MON1B: variants seen among roughly 807,000 people sequenced by gnomAD.
The protein encoded by MON1B is MON1 vesicular trafficking associated B.
Under a neutral mutation model 45.1 loss-of-function variants are expected in MON1B, and 26 were observed. That is an observed-to-expected ratio of 0.58 (90% CI 0.42 to 0.80). The LOEUF is 0.80. MON1B is among the 30% of genes least tolerant of loss of function. The pLI is 0.00. For synonymous variants in MON1B, 395 were observed against 320.2 expected (o/e 1.23, Z -2.49); for missense variants, 737 against 754.5 (o/e 0.98, Z 0.27).
intron 5 of MON1B, among the ~76,000 whole-genome samples, chr16:77,197,253 T>C (rs574583549): frequency 2.8e-4 from 43 of 151,806 alleles, no homozygotes; most frequent in Admixed American, 4.6e-4. Flanking sequence ...AAAAATTAGC[T>C]GGATGTGGTG....
At position 77,200,274 on chromosome 16, in the gene MON1B, G is replaced by GTATATATATATATATATATATATA. The variant is rs1229854135; in HGVS notation, c.*1984_*1985insTATATATATATATATATATATATA. 8.8e-6 allele frequency: 1 copy of GTATATATATATATATATATATATA among 113,574 alleles called. No homozygotes were observed. The allele number at this position is 113,574 out of a possible 1,614,324, so 7.0% of individuals were successfully genotyped here. Reference sequence around the variant, plus strand: ...TATATGTGTATATATATATATATGTGTATATATATATATATATACACACAC... The same window carrying GTATATATATATATATATATATATA: ...TATATGTGTATATATATATATATGTGTATATATATATATATATATATATATATATATATATATATATACACACAC... On this transcript the variant is annotated 3_prime_UTR_variant, in exon 6 of 6. Transcript: ENST00000248248.
rs2054701042 is a variant in MON1B at position 77,199,228 on chromosome 16, C to T, written c.*920C>T. The T allele has an allele frequency of 3.6e-6, 2 of 558,794 alleles. No individual in the cohort carries two copies. The highest frequency in any genetic ancestry group is 3.3e-5 in the Admixed American group (1 of 30,382). 34.6% of individuals were successfully genotyped at this position (558,794 alleles called of 1,614,324 possible). The stretch of plus-strand genomic sequence containing the variant: ...CCTCACTCCCCAACTGGCCATTACC[C>T]TAGTTCTGCCCTTGTTTGTGGAGTT... On this transcript the variant is annotated 3_prime_UTR_variant, in exon 6 of 6. Coordinates refer to ENST00000248248, the MANE Select transcript of MON1B (RefSeq NM_014940.4).
At position 77,195,074 on chromosome 16, in the gene MON1B, C is replaced by T. The variant is rs2232506; in HGVS notation, c.1215C>T (p.Val405=). 0.11 allele frequency: 178,840 copies of T among 1,605,732 alleles called. 11,697 individuals carry two copies. Among genetic ancestry groups the T allele is most frequent in the East Asian group, 0.3 (13,617 of 44,794 alleles). ...CTCCTGCCTACAGCGTGCAGGCTGT[C>T]GGGGCGCCGGGCCTCCGGCACTTCC... ...ASAPAYSVQA[V]GAPGLRHFLY... The change falls in exon 4 of 6, where the codon GTC becomes GTT. Residue 405 remains valine, a synonymous_variant. Coordinates refer to ENST00000248248, the MANE Select transcript of MON1B (RefSeq NM_014940.4).
intron 5 of MON1B, among the ~76,000 whole-genome samples, chr16:77,197,350 C>T (rs888917695): frequency 2.0e-5 from 3 of 152,006 alleles, no homozygotes; most frequent in East Asian, 1.9e-4. Context: ...GAGCCGAGAC[C>T]GTGCCACTGC....
At chr16:77,197,144 C>T (rs559472422) in intron 5 of MON1B, among the ~76,000 whole-genome samples, 17 of 152,082 alleles carry the variant, frequency 1.1e-4, no homozygotes, top group East Asian at 5.8e-4. Context: ...GAGGCTGAGT[C>T]GGGGTGGGAG....
rs770649793 is a variant in MON1B at position 77,191,537 on chromosome 16, T to C, written c.52T>C (p.Leu18=). The part of the protein sequence containing the change: ...AAPAPGGAED[L]EDTQFPSEEA... ...CCCGGCCCCCGGGGGCGCGGAGGAC[T>C]TGGAGGACACGCAGTTCCCCAGTGA... Residue 18 remains leucine (L), a synonymous_variant, in exon 2 of 6, where the codon TTG becomes CTG. Transcript: ENST00000248248. 26 of 1,609,812 alleles carry C rather than the reference T, an allele frequency of 1.6e-5. No individual in the cohort carries two copies. The Admixed American group carries it at 4.3e-4, about 27-fold the overall frequency.
Position 77,198,699 on chromosome 16 carries a change from G to A in MON1B, c.*391G>A, listed in dbSNP as rs1170059023. ...CAAGGTGTCTAGGGTGGCCCACGGG[G>A]GTGCTGGAATTGGCACTTCAGGGCC... is the stretch of plus-strand genomic sequence containing the variant. On this transcript the variant is annotated 3_prime_UTR_variant, in exon 6 of 6. Transcript: ENST00000248248. 8.2e-6 allele frequency: 2 copies of A among 244,292 alleles called. No homozygotes were observed. Among genetic ancestry groups the A allele is most frequent in the Admixed American group, 5.0e-5 (1 of 19,834 alleles). 15.1% of individuals were successfully genotyped at this position (244,292 alleles called of 1,614,324 possible).
At chr16:77,197,805 A>G (rs1196660723) in intron 5 of MON1B, among the ~76,000 whole-genome samples, 5 of 152,182 alleles carry the variant, frequency 3.3e-5, no homozygotes, top group Non-Finnish European at 5.9e-5. Flanking sequence ...CCTTGTACAC[A>G]ATAGGTTACT....
rs898950019 is a variant in MON1B at position 77,194,840 on chromosome 16, G to A, written c.981G>A (p.Leu327=). The change falls in exon 4 of 6, where the codon CTG becomes CTA. Residue 327 remains leucine (L), a synonymous_variant. Coordinates refer to ENST00000248248, the MANE Select transcript of MON1B (RefSeq NM_014940.4). The surrounding 1 kb of genome is among the most constrained non-coding windows in gnomAD (Gnocchi z 8.1). ...GTGAGGCTTGGGCACCTGTGTGCCT[G>A]CCCCGCTTCAACCCTGATGGTTTTT... is the stretch of plus-strand genomic sequence containing the variant. The part of the protein sequence containing the change: ...AAGEAWAPVC[L]PRFNPDGFFY... 2 of 1,610,494 alleles carry A rather than the reference G, an allele frequency of 1.2e-6. No individual in the cohort carries two copies. The highest frequency in any genetic ancestry group is 1.7e-6 in the Non-Finnish European group (2 of 1,180,010).
Position 77,193,954 on chromosome 16 carries a change from G to GTTCATCT in MON1B, c.475+177_475+178insTTCATCT, listed in dbSNP as rs2054638220. 1 of 655,282 alleles carries GTTCATCT rather than the reference G, an allele frequency of 1.5e-6. No individual in the cohort carries two copies. Among genetic ancestry groups the GTTCATCT allele is most frequent in the African/African-American group, 1.8e-5 (1 of 54,876 alleles). The allele number at this position is 655,282 out of a possible 1,614,324, so 40.6% of individuals were successfully genotyped here. A position where few individuals can be genotyped will look rare whatever the true frequency, so the allele number is the denominator to read the frequency against. On this transcript the variant is annotated intron_variant, in intron 3 of 5. Coordinates refer to ENST00000248248, the MANE Select transcript of MON1B (RefSeq NM_014940.4). The surrounding 1 kb of genome is among the most constrained non-coding windows in gnomAD (Gnocchi z 5.0). ...GGGGGGGTTCATCTCTGTCTGGCCT[G>GTTCATCT]CTGGTTTCTTAGTGATTGACTTGCT... is the stretch of plus-strand genomic sequence containing the variant.
intron 5 of MON1B, among the ~76,000 whole-genome samples, chr16:77,196,513 C>T (rs1304535976): frequency 3.3e-5 from 5 of 152,190 alleles, no homozygotes; most frequent in African/African-American, 4.8e-5. Context: ...TGATGGCTCA[C>T]GCCTGTAATC....
At position 77,194,606 on chromosome 16, in the gene MON1B, C is replaced by T. The variant is rs751357290; in HGVS notation, c.747C>T (p.Arg249=). 6.2e-7 allele frequency: 1 copy of T among 1,613,900 alleles called. No individual in the cohort carries two copies. Among genetic ancestry groups the T allele is most frequent in the Admixed American group, 1.7e-5 (1 of 60,022 alleles). ...GAGCCCTGCTCCTGGGTGCCGTGCG[C>T]TGTGTGCCCCTTGCCCGCCCGCTGC... The part of the protein sequence containing the change: ...DPGALLLGAV[R]CVPLARPLRD... Residue 249 remains arginine, a synonymous_variant, in exon 4 of 6, where the codon CGC becomes CGT. Transcript: ENST00000248248. The surrounding 1 kb of genome is among the most constrained non-coding windows in gnomAD (Gnocchi z 8.1).
Position 77,194,635 on chromosome 16 carries a change from A to G in MON1B, c.776A>G (p.Asp259Gly). 6.2e-7 allele frequency: 1 copy of G among 1,613,730 alleles called. No homozygotes were observed. Among genetic ancestry groups the G allele is most frequent in the Non-Finnish European group, 8.5e-7 (1 of 1,179,890 alleles). ...RCVPLARPLR[D>G]ALGALLRRCT... ...GTGCCCCTTGCCCGCCCGCTGCGAGACGCACTAGGTGCGCTCCTCCGACGT... is the reference window on the plus strand; with the variant it reads ...GTGCCCCTTGCCCGCCCGCTGCGAGGCGCACTAGGTGCGCTCCTCCGACGT... The change falls in exon 4 of 6, where the codon GAC (aspartate) becomes GGC (glycine). Residue 259 changes from aspartate to glycine, a missense_variant. Transcript: ENST00000248248. The surrounding 1 kb of genome is among the most constrained non-coding windows in gnomAD (Gnocchi z 8.1).
Position 77,198,334 on chromosome 16 carries a change from T to G in MON1B, c.*26T>G, listed in dbSNP as rs940063153. ...TAGTTGGAGCTCCCAGACCAGGCAG[T>G]GCTGGGAGCAACCACCTTTGTTTTT... On this transcript the variant is annotated 3_prime_UTR_variant, in exon 6 of 6. Coordinates refer to ENST00000248248, the MANE Select transcript of MON1B (RefSeq NM_014940.4). 6.2e-7 allele frequency: 1 copy of G among 1,601,528 alleles called. No individual in the cohort carries two copies. Among genetic ancestry groups the G allele is most frequent in the Non-Finnish European group, 8.6e-7 (1 of 1,168,604 alleles).
chr16:77,193,988 A>C lies in MON1B; in HGVS notation c.475+211A>C, dbSNP rs2054638496. ...TTAGTGATTGACTTGCTGGGATCTC[A>C]GTGACTAGCTGGATACTTCTGTGTC... On this transcript the variant is annotated intron_variant, in intron 3 of 5. Coordinates refer to ENST00000248248, the MANE Select transcript of MON1B (RefSeq NM_014940.4). This position sits in a 1 kb window ranked among gnomAD's most constrained non-coding sequence, Gnocchi z 5.0. 1 of 606,740 alleles carries C rather than the reference A, an allele frequency of 1.6e-6. No individual in the cohort carries two copies. The highest frequency in any genetic ancestry group is 2.9e-6 in the Non-Finnish European group (1 of 344,286). 37.6% of individuals were successfully genotyped at this position (606,740 alleles called of 1,614,324 possible).
chr16:77,193,642 G>C lies in MON1B; in HGVS notation c.340G>C (p.Val114Leu). Residue 114 changes from valine (V) to leucine (L), a missense_variant, in exon 3 of 6, where the codon GTG (valine) becomes CTG (leucine). By Grantham distance (32) the Val-to-Leu change is conservative (BLOSUM62 1). Transcript: ENST00000248248. This position sits in a 1 kb window ranked among gnomAD's most constrained non-coding sequence, Gnocchi z 5.0. Reference sequence around the variant, plus strand: ...GCGCAGCCAGCGGAAGCATGTGTTTGTGCTGAGTGAGGCTGGCAAGCCCAT... The same window carrying C: ...GCGCAGCCAGCGGAAGCATGTGTTTCTGCTGAGTGAGGCTGGCAAGCCCAT... ...EWRSQRKHVF[V>L]LSEAGKPIYS... 1 of 1,614,144 alleles carries C rather than the reference G, an allele frequency of 6.2e-7. No homozygotes were observed. Among genetic ancestry groups the C allele is most frequent in the Non-Finnish European group, 8.5e-7 (1 of 1,179,978 alleles).
At chr16:77,197,964 A>C (rs2142503445) in intron 5 of MON1B, 144 bp from the exon 6 acceptor site, 1 of 785,868 alleles carries the variant, frequency 1.3e-6, no homozygotes, top group Admixed American at 2.3e-5. Context: ...ACCTTAGCCC[A>C]GTATCTAGGC....
At position 77,195,072 on chromosome 16, in the gene MON1B, G is replaced by T; in HGVS notation, c.1213G>T (p.Val405Phe). ...ASAPAYSVQA[V>F]GAPGLRHFLY... ...TGCTCCTGCCTACAGCGTGCAGGCT[G>T]TCGGGGCGCCGGGCCTCCGGCACTT... Residue 405 changes from valine (V) to phenylalanine (F), a missense_variant, in exon 4 of 6, where the codon GTC becomes TTC. Coordinates refer to ENST00000248248, the MANE Select transcript of MON1B (RefSeq NM_014940.4). The T allele has an allele frequency of 6.2e-7, 1 of 1,607,214 alleles. No individual in the cohort carries two copies. Among genetic ancestry groups the T allele is most frequent in the Non-Finnish European group, 8.5e-7 (1 of 1,179,814 alleles).
rs1441060226 is a variant in MON1B at position 77,200,798 on chromosome 16, A to G, written c.*2490A>G. ...CAAAAAGAAAAAAATCTCCCAAGGC[A>G]GTCATGCATTTGTATGCCACTAGCA... is the stretch of plus-strand genomic sequence containing the variant. On this transcript the variant is annotated 3_prime_UTR_variant, in exon 6 of 6. Coordinates refer to ENST00000248248, the MANE Select transcript of MON1B (RefSeq NM_014940.4). 1 of 151,970 alleles carries G rather than the reference A, an allele frequency of 6.6e-6. No individual in the cohort carries two copies. Among genetic ancestry groups the G allele is most frequent in the Non-Finnish European group, 1.5e-5 (1 of 67,992 alleles). 9.4% of individuals were successfully genotyped at this position (151,970 alleles called of 1,614,324 possible). A position where few individuals can be genotyped will look rare whatever the true frequency, so the allele number is the denominator to read the frequency against.
Sources: allele counts gnomAD v4.1 joint callset (sites outside exome capture counted in the v4.1 genomes callset), GRCh38; gene constraint gnomAD v4.1.1; non-coding constraint Gnocchi (gnomAD v3.1); transcripts MANE v1.5; gene names NCBI Gene and HGNC (gene_info 2026-07-23, HGNC 2026-07-21).